Variants in DSCAM observed in about 807,000 individuals in gnomAD.
The protein encoded by DSCAM is DS cell adhesion molecule.
DSCAM carries 47 observed loss-of-function variants against 217.7 expected under a neutral mutation model. That is an observed-to-expected ratio of 0.22 (90% CI 0.17 to 0.28). DSCAM has a LOEUF of 0.28. Ranked by LOEUF, DSCAM falls within the 10% of genes least tolerant of loss-of-function variation. DSCAM has a pLI of 1.00. For missense variants in DSCAM, 2,080 were observed against 2,618.3 expected (o/e 0.79, Z 4.49); for synonymous variants, 1,056 against 1,015.3 (o/e 1.04, Z -0.76).
Position 40,115,154 on chromosome 21 carries a change from G to A in DSCAM, c.3696+9041C>T, listed in dbSNP as rs139529293. Among the ~76,000 whole-genome samples the A allele has an allele frequency of 8.9e-3, 1,348 of 152,196 alleles. 20 individuals are homozygous for A. The highest frequency in any genetic ancestry group is 0.031 in the African/African-American group (1,289 of 41,510). On this transcript the variant is annotated intron_variant, in intron 20 of 32. Coordinates refer to ENST00000400454, the MANE Select transcript of DSCAM (RefSeq NM_001389.5). ...GCACTATTCACAATAGCAAAGACTT[G>A]GAACCAACCTAAATGTCCAGCAATG... is the stretch of plus-strand genomic sequence containing the variant.
At chr21:40,555,466 C>T (rs887167713) in intron 3 of DSCAM, among the ~76,000 whole-genome samples, 3 of 151,990 alleles carry the variant, frequency 2.0e-5, no homozygotes, top group Non-Finnish European at 4.4e-5. Context: ...ATATCAAGAT[C>T]GAGTAATGAT....
chr21:40,784,348 C>T (rs947491179), intron 1 of DSCAM, among the ~76,000 whole-genome samples: 4 of 152,138 alleles, frequency 2.6e-5, no homozygotes, highest in African/African-American at 9.7e-5. Context: ...TTGTCTGCTG[C>T]CGTGTAAGGC....
chr21:40,567,056 C>T (rs144934065), intron 3 of DSCAM, among the ~76,000 whole-genome samples: 75 of 152,166 alleles, frequency 4.9e-4, no homozygotes, highest in African/African-American at 1.8e-3. Context: ...TGTTAAGATG[C>T]TCATGGGTCC....
At position 40,349,949 on chromosome 21, in the gene DSCAM, A is replaced by G. The variant is rs573745550; in HGVS notation, c.935-2004T>C. ...TGTTTAGCAGAAGCAAATGGAGGCC[A>G]GAAGACATATAAATATATCTTTTAA... On this transcript the variant is annotated intron_variant, in intron 5 of 32. Transcript: ENST00000400454. Among the ~76,000 whole-genome samples the G allele has an allele frequency of 2.0e-5, 3 of 152,352 alleles. No homozygotes were observed. In the South Asian group the frequency reaches 6.2e-4, roughly 32 times the overall value.
chr21:40,212,154 G>A (rs560384917), intron 11 of DSCAM, among the ~76,000 whole-genome samples: 2 of 152,036 alleles, frequency 1.3e-5, no homozygotes, highest in East Asian at 3.9e-4. Flanking sequence ...ATTTTTAGTA[G>A]AGACAGGGTT....
At chr21:40,431,938 G>A (rs373788386) in intron 3 of DSCAM, among the ~76,000 whole-genome samples, 12 of 152,168 alleles carry the variant, frequency 7.9e-5, no homozygotes, top group African/African-American at 2.9e-4. Flanking sequence ...GGTGGCTTAT[G>A]CCTGTAGTCC....
chr21:40,659,631 A>G (rs1178457909), intron 3 of DSCAM, among the ~76,000 whole-genome samples: 3 of 151,938 alleles, frequency 2.0e-5, no homozygotes, highest in Non-Finnish European at 4.4e-5. Flanking sequence ...ATATCTACCA[A>G]TTATCTATCT....
intron 3 of DSCAM, among the ~76,000 whole-genome samples, chr21:40,575,338 C>T (rs1002685553): frequency 1.3e-5 from 2 of 152,200 alleles, no homozygotes; most frequent in South Asian, 4.1e-4. Context: ...CCCACCTGCA[C>T]CCAGGTGATT....
chr21:40,476,293 C>T (rs1049520534), intron 3 of DSCAM, among the ~76,000 whole-genome samples: 1 of 152,198 alleles, frequency 6.6e-6, no homozygotes, highest in Non-Finnish European at 1.5e-5. Context: ...AGCTACAGCT[C>T]AGCCATTCAT....
At chr21:40,068,575 A>G (rs765314664) in intron 27 of DSCAM, among the ~76,000 whole-genome samples, 2 of 152,218 alleles carry the variant, frequency 1.3e-5, no homozygotes. Context: ...CTGTGTTAAT[A>G]CATCTTCTAA....
intron 27 of DSCAM, among the ~76,000 whole-genome samples, chr21:40,070,475 TAA>T (rs1320305018): frequency 2.0e-5 from 3 of 152,142 alleles, no homozygotes; most frequent in African/African-American, 4.8e-5. Context: ...AGCACAGAAC[TAA>T]AGAGTTTCAG....
chr21:40,376,496 T>TATATATCTTATATCGATATCG (rs2074955312), intron 3 of DSCAM, among the ~76,000 whole-genome samples: 1 of 109,858 alleles, frequency 9.1e-6, no homozygotes, highest in Non-Finnish European at 1.8e-5. Flanking sequence ...TATAGATATC[T>TATATATCTTATATCGATATCG]ATATATCTTA....
At chr21:40,169,877 C>T (rs969123982) in intron 15 of DSCAM, among the ~76,000 whole-genome samples, 1 of 152,064 alleles carries the variant, frequency 6.6e-6, no homozygotes, top group African/African-American at 2.4e-5. Flanking sequence ...CACCATCGTC[C>T]TTATGGGGAT....
At chr21:40,084,030 A>G (rs747144114) in intron 23 of DSCAM, 24 bp from the exon 24 acceptor site, 6 of 1,583,652 alleles carry the variant, frequency 3.8e-6, no homozygotes, top group Non-Finnish European at 5.2e-6. Context: ...AGTTTTTAGA[A>G]AACAAGAATT....
At chr21:40,381,854 A>C (rs752667053) in intron 3 of DSCAM, among the ~76,000 whole-genome samples, 3 of 152,234 alleles carry the variant, frequency 2.0e-5, no homozygotes, top group African/African-American at 4.8e-5. Context: ...AGAGCATAGA[A>C]TGTATCAGTG....
At chr21:40,332,989 T>C (rs942378836) in intron 8 of DSCAM, among the ~76,000 whole-genome samples, 1 of 152,186 alleles carries the variant, frequency 6.6e-6, no homozygotes, top group African/African-American at 2.4e-5. Flanking sequence ...ATAATTTGGT[T>C]TCCCTGTTAG....
At position 40,454,074 on chromosome 21, in the gene DSCAM, A is replaced by G. The variant is rs996340128; in HGVS notation, c.509-84829T>C. ...AATGAGCAAACTTACGGACTGAAAC[A>G]GAAAGATATATATAAGCCAATTAGA... On this transcript the variant is annotated intron_variant, in intron 3 of 32. Transcript: ENST00000400454. Among the ~76,000 whole-genome samples, 8 of 152,370 alleles carry G rather than the reference A, an allele frequency of 5.3e-5. No individual in the cohort carries two copies. The South Asian group carries it at 8.3e-4, about 16-fold the overall frequency.
rs148615256 is a variant in DSCAM at position 40,537,578 on chromosome 21, A to G, written c.508+155232T>C. Among the ~76,000 whole-genome samples the G allele has an allele frequency of 2.4e-4, 37 of 152,316 alleles. No individual in the cohort carries two copies. In the East Asian group the frequency reaches 6.6e-3, roughly 27 times the overall value. On this transcript the variant is annotated intron_variant, in intron 3 of 32. Transcript: ENST00000400454. ...AATAGGGTTGTCACAGATGTAATTA[A>G]ACAAAACAAAATTATAGTAGAGTAG...
At position 40,477,983 on chromosome 21, in the gene DSCAM, C is replaced by T. The variant is rs547579856; in HGVS notation, c.509-108738G>A. Among the ~76,000 whole-genome samples, 155 of 152,040 alleles carry T rather than the reference C, an allele frequency of 1.0e-3. 1 individual carries two copies. Among genetic ancestry groups the T allele is most frequent in the African/African-American group, 3.4e-3 (143 of 41,528 alleles). On this transcript the variant is annotated intron_variant, in intron 3 of 32. Coordinates refer to ENST00000400454, the MANE Select transcript of DSCAM (RefSeq NM_001389.5). ...AAAAAAAATTACCAGGACCCCTGAG[C>T]CCCACCCCCCATGCTTCTTTATAGT...
Sources: allele counts gnomAD v4.1 joint callset (sites outside exome capture counted in the v4.1 genomes callset), GRCh38; gene constraint gnomAD v4.1.1; transcripts MANE v1.5; gene names NCBI Gene and HGNC (gene_info 2026-07-23, HGNC 2026-07-21).